SLF2: variants seen among roughly 807,000 people sequenced by gnomAD.
SLF2 encodes the protein SMC5-SMC6 complex localization factor protein 2.
A neutral mutation model predicts 124.3 loss-of-function variants in SLF2; 68 were observed. That is an observed-to-expected ratio of 0.55 (90% CI 0.45 to 0.67). SLF2 has a LOEUF of 0.67. SLF2 is among the 30% of genes least tolerant of loss of function. The pLI is 0.00. For synonymous variants in SLF2, 480 were observed against 478.8 expected (o/e 1.00, Z -0.03); for missense variants, 1,246 against 1,373.7 (o/e 0.91, Z 1.47).
At chr10:100,938,389 T>C (rs1157040195) in intron 10 of SLF2, among the ~76,000 whole-genome samples, 1 of 152,256 alleles carries the variant, frequency 6.6e-6, no homozygotes, top group East Asian at 1.9e-4. Context: ...CACTCTCAGA[T>C]ATTTTCTTTA....
intron 18 of SLF2, among the ~76,000 whole-genome samples, chr10:100,957,762 A>G (rs1850360738): frequency 6.6e-6 from 1 of 152,182 alleles, no homozygotes; most frequent in Admixed American, 6.5e-5. Flanking sequence ...AAGGTTTTAT[A>G]TACTCAAAGA....
chr10:100,945,183 T>C, intron 12 of SLF2, 147 bp from the exon 13 acceptor site: 2 of 606,088 alleles, frequency 3.3e-6, no homozygotes, highest in Non-Finnish European at 5.3e-6. Flanking sequence ...CATTGAGTAG[T>C]TCTTGCCTTC....
In SLF2 at chr10:100,924,817, G is replaced by A; in HGVS notation, c.1816G>A (p.Glu606Lys). 1 of 1,614,184 alleles carries A rather than the reference G, an allele frequency of 6.2e-7. No homozygotes were observed. The highest frequency in any genetic ancestry group is 8.5e-7 in the Non-Finnish European group (1 of 1,180,024). ...AAGGGGTGATTTTGATAGTGATGAAGAAAGTTTAGGTTACAACCTAGACAG... is the reference window on the plus strand; with the variant it reads ...AAGGGGTGATTTTGATAGTGATGAAAAAAGTTTAGGTTACAACCTAGACAG... ...KLRGDFDSDE[E>K]SLGYNLDSDE... Residue 606 changes from glutamate (E) to lysine (K), a missense_variant, in exon 5 of 20, where the codon GAA (glutamate) becomes AAA (lysine). Physicochemically the swap from Glu to Lys is moderately conservative, Grantham distance 56. Around this residue, in one of 3 missense-constraint regions of SLF2, gnomAD observed 13 missense variants for 32.0 expected, o/e 0.41. Coordinates refer to ENST00000238961, the MANE Select transcript of SLF2 (RefSeq NM_018121.4).
chr10:100,955,596 C>CA (rs1020657170), intron 17 of SLF2, among the ~76,000 whole-genome samples: 10 of 151,582 alleles, frequency 6.6e-5, no homozygotes, highest in African/African-American at 9.7e-5. Flanking sequence ...CCTGTCTCCA[C>CA]AAAAAAAATT....
chr10:100,954,405 A>C lies in SLF2; in HGVS notation c.3331-2046A>C, dbSNP rs145009857. On this transcript the variant is annotated intron_variant, in intron 17 of 19. Coordinates refer to ENST00000238961, the MANE Select transcript of SLF2 (RefSeq NM_018121.4). Reference sequence around the variant, plus strand: ...TTCATATATCTTTGCCCACTTCTGCAAGCATAGCTATAAGGTAAATTCCTA... The same window carrying C: ...TTCATATATCTTTGCCCACTTCTGCCAGCATAGCTATAAGGTAAATTCCTA... Among the ~76,000 whole-genome samples the C allele has an allele frequency of 9.5e-3, 1,448 of 152,346 alleles. 21 individuals are homozygous for C. The highest frequency in any genetic ancestry group is 0.032 in the African/African-American group (1,328 of 41,572).
At position 100,950,221 on chromosome 10, in the gene SLF2, G is replaced by C. The variant is rs1354954918; in HGVS notation, c.3252+14G>C. On this transcript the variant is annotated intron_variant, in intron 16 of 19. Transcript: ENST00000238961. ...CTTGAAAAGCAGGTATCCAGTGCTA[G>C]AAGGTCTCAAAGAGTACATAGAAGC... 2 of 1,611,396 alleles carry C rather than the reference G, an allele frequency of 1.2e-6. No individual in the cohort carries two copies. Among genetic ancestry groups the C allele is most frequent in the Non-Finnish European group, 1.7e-6 (2 of 1,178,756 alleles).
At chr10:100,927,087 T>C (rs1849629535) in intron 6 of SLF2, among the ~76,000 whole-genome samples, 3 of 152,178 alleles carry the variant, frequency 2.0e-5, no homozygotes, top group South Asian at 4.1e-4. Flanking sequence ...TTGTGTTTTT[T>C]TAATGGAAAA....
At position 100,950,825 on chromosome 10, in the gene SLF2, T is replaced by G. The variant is rs1465761719; in HGVS notation, c.3330+72T>G. The G allele has an allele frequency of 2.2e-5, 26 of 1,195,622 alleles. No homozygotes were observed. The Admixed American group carries it at 4.7e-4, about 22-fold the overall frequency. 74.1% of individuals were successfully genotyped at this position (1,195,622 alleles called of 1,614,324 possible). ...CTGATGATGGAATGAGTGAGCATGCTTTATATAGGAGAAAACTATGTAAAC... is the reference window on the plus strand; with the variant it reads ...CTGATGATGGAATGAGTGAGCATGCGTTATATAGGAGAAAACTATGTAAAC... On this transcript the variant is annotated intron_variant, in intron 17 of 19. Transcript: ENST00000238961.
Position 100,917,201 on chromosome 10 carries a change from T to A in SLF2, c.816T>A (p.Ser272Arg). 1 of 1,614,006 alleles carries A rather than the reference T, an allele frequency of 6.2e-7. No individual in the cohort carries two copies. Among genetic ancestry groups the A allele is most frequent in the Non-Finnish European group, 8.5e-7 (1 of 1,180,008 alleles). The change falls in exon 3 of 20, where the codon AGT becomes AGA. Residue 272 changes from serine to arginine, a missense_variant. Ser to Arg is a moderately radical substitution (Grantham distance 110, BLOSUM62 -1). Around this residue, in one of 3 missense-constraint regions of SLF2, gnomAD observed 698 missense variants for 708.9 expected, o/e 0.98. Coordinates refer to ENST00000238961, the MANE Select transcript of SLF2 (RefSeq NM_018121.4). ...NSENSFSEAS[S>R]LSLKSSIERK... ...AGAATTCTTTCTCAGAAGCAAGCAG[T>A]CTTTCCTTAAAATCTAGTATAGAAA...
chr10:100,928,079 C>CAGAGAGAGAGAGAGAG lies in SLF2; in HGVS notation c.2043-1228_2043-1213dup, dbSNP rs71013474. On this transcript the variant is annotated intron_variant, in intron 6 of 19. Coordinates refer to ENST00000238961, the MANE Select transcript of SLF2 (RefSeq NM_018121.4). Reference sequence around the variant, plus strand: ...CACACACACACACACGAGAGAGAGACAGAGAGAGAGAGAGAGAGAGAGAGA... The same window carrying CAGAGAGAGAGAGAGAG: ...CACACACACACACACGAGAGAGAGACAGAGAGAGAGAGAGAGAGAGAGAGAGAGAGAGAGAGAGAGA... 4.1e-3 allele frequency among the ~76,000 whole-genome samples: 463 copies of CAGAGAGAGAGAGAGAG among 113,078 alleles called. 6 individuals carry two copies. Among genetic ancestry groups the CAGAGAGAGAGAGAGAG allele is most frequent in the African/African-American group, 0.016 (449 of 28,418 alleles). 74.2% of individuals were successfully genotyped at this position (113,078 alleles called of 152,430 possible). A position where few individuals can be genotyped will look rare whatever the true frequency, so the allele number is the denominator to read the frequency against.
rs565289882 is a variant in SLF2, at chr10:100,941,766, G to A, written c.2655-2260G>A. On this transcript the variant is annotated intron_variant, in intron 11 of 19. Transcript: ENST00000238961. ...GACTCTGTTCTAAGGGCTTCACATA[G>A]TACCTCACTTAGTAGTTACTACAAA... Among the ~76,000 whole-genome samples the A allele has an allele frequency of 2.0e-5, 3 of 152,264 alleles. No homozygotes were observed. In the East Asian group the frequency reaches 5.8e-4, roughly 29 times the overall value.
intron 11 of SLF2, 190 bp from the exon 12 acceptor site, chr10:100,943,834 TTC>T (rs1850025180): frequency 4.4e-6 from 2 of 454,228 alleles, no homozygotes; most frequent in Non-Finnish European, 7.8e-6. Flanking sequence ...AATGGAAATG[TTC>T]TATTTCTTGA....
At chr10:100,956,235 A>G (rs999787578) in intron 17 of SLF2, among the ~76,000 whole-genome samples, 20 of 152,178 alleles carry the variant, frequency 1.3e-4, no homozygotes, top group African/African-American at 4.8e-4. Context: ...TAGCAAAACA[A>G]CTTTTGTTAC....
chr10:100,941,353 A>C (rs1169895214), intron 11 of SLF2, among the ~76,000 whole-genome samples: 1 of 152,206 alleles, frequency 6.6e-6, no homozygotes, highest in Non-Finnish European at 1.5e-5. Context: ...AGATACATAG[A>C]CTTAAAATTT....
In SLF2 at chr10:100,931,077, G is replaced by A. The variant is rs778675296; in HGVS notation, c.2435G>A (p.Arg812Gln). The change falls in exon 9 of 20, where the codon CGG becomes CAG. Residue 812 changes from arginine (R) to glutamine (Q), a missense_variant and splice_region_variant. Arg to Gln is a conservative substitution (Grantham distance 43). Around this residue, in one of 3 missense-constraint regions of SLF2, gnomAD observed 535 missense variants for 632.8 expected, o/e 0.85. Transcript: ENST00000238961. The part of the protein sequence containing the change: ...CPVPVLKWLF[R>Q]MMSVHTDCIV... ...GTCCCTGTGTTAAAGTGGCTGTTTC[G>A]GGTAAGAGGAATGTTTAGAGGGTTA... 16 of 1,608,994 alleles carry A rather than the reference G, an allele frequency of 9.9e-6. No homozygotes were observed. The highest frequency in any genetic ancestry group is 6.7e-5 in the East Asian group (3 of 44,784).
At position 100,913,263 on chromosome 10, in the gene SLF2, G is replaced by A. The variant is rs1589937468; in HGVS notation, c.140+13G>A. The A allele has an allele frequency of 6.3e-7, 1 of 1,576,016 alleles. No individual in the cohort carries two copies. On this transcript the variant is annotated intron_variant, in intron 1 of 19. Coordinates refer to ENST00000238961, the MANE Select transcript of SLF2 (RefSeq NM_018121.4). The stretch of plus-strand genomic sequence containing the variant: ...GTCCTGGGGACAGGTACCGTGCAGA[G>A]GGCTTGAGAAGGGGCCGGGTCGCGG...
intron 11 of SLF2, 167 bp from the exon 12 acceptor site, chr10:100,943,859 T>G (rs1850032040): frequency 1.6e-5 from 7 of 450,828 alleles, no homozygotes; most frequent in Non-Finnish European, 2.8e-5. Flanking sequence ...TGGATGGTGG[T>G]TACATTAGTA....
chr10:100,920,810 C>A (rs1215316439), intron 4 of SLF2, among the ~76,000 whole-genome samples: 1 of 152,042 alleles, frequency 6.6e-6, no homozygotes, highest in East Asian at 1.9e-4. Context: ...ATTAGCTGGG[C>A]ATGGTGCCCA....
chr10:100,935,930 C>T (rs1849845055), intron 9 of SLF2, among the ~76,000 whole-genome samples: 1 of 142,082 alleles, frequency 7.0e-6, no homozygotes, highest in African/African-American at 2.6e-5. Flanking sequence ...GCGATCACTG[C>T]TCACTGCAGC....
Sources: gnomAD v4.1 joint callset for allele counts (sites outside exome capture counted in the v4.1 genomes callset) on GRCh38, gnomAD v4.1.1 for gene constraint, gnomAD v4.1.1 regional missense constraint, MANE v1.5 for transcripts, NCBI Gene and HGNC (gene_info 2026-07-23, HGNC 2026-07-21) for gene names.